Variants in RAD23A observed in about 807,000 individuals in gnomAD.
RAD23A encodes the protein RAD23 nucleotide excision repair protein A.
A neutral mutation model predicts 44.8 loss-of-function variants in RAD23A; 16 were observed. That is an observed-to-expected ratio of 0.36 (90% CI 0.24 to 0.54). The LOEUF (loss-of-function observed/expected upper bound fraction) is 0.54, where lower values mean the gene tolerates loss of function less well. RAD23A is among the 20% of genes least tolerant of loss of function. The pLI is 0.89. For missense variants in RAD23A, 380 were observed against 483.3 expected (o/e 0.79, Z 2.00); for synonymous variants, 217 against 202.9 (o/e 1.07, Z -0.59).
rs994275789 is a variant in RAD23A, at chr19:12,947,703, C to A, written c.73-145C>A. 32 of 727,072 alleles carry A rather than the reference C, an allele frequency of 4.4e-5. No homozygotes were observed. In the African/African-American group the frequency reaches 5.1e-4, roughly 12 times the overall value. The allele number at this position is 727,072 out of a possible 1,614,324, so 45.0% of individuals were successfully genotyped here. On this transcript the variant is annotated intron_variant, in intron 1 of 8. Coordinates refer to ENST00000586534, the MANE Select transcript of RAD23A (RefSeq NM_005053.4). ...GCATGATGATTGAATGAATTCAAATCTAGCATGCTTTAGATGCTGAGAAAG... is the reference window on the plus strand; with the variant it reads ...GCATGATGATTGAATGAATTCAAATATAGCATGCTTTAGATGCTGAGAAAG...
At chr19:12,946,459 C>T (rs1358278675) in intron 1 of RAD23A, among the ~76,000 whole-genome samples, 5 of 152,148 alleles carry the variant, frequency 3.3e-5, no homozygotes, top group East Asian at 1.9e-4. Flanking sequence ...TGATAATAAA[C>T]GGGTCTCAGT....
intron 1 of RAD23A, 33 bp downstream of exon 1, chr19:12,946,053 C>CG: frequency 2.5e-6 from 1 of 404,444 alleles, no homozygotes; most frequent in Non-Finnish European, 3.6e-6. Flanking sequence ...GGGGCGGGAG[C>CG]GACGGGTTTC....
At position 12,948,120 on chromosome 19, in the gene RAD23A, G is replaced by C. The variant is rs200786579; in HGVS notation, c.235-57G>C. ...GAACAGGGCGGGGCCACAGCGGAGC[G>C]GGTTGTTGGGTCTGATAGGGTTGCT... On this transcript the variant is annotated intron_variant, in intron 2 of 8. Transcript: ENST00000586534. The surrounding 1 kb of genome is among the most constrained non-coding windows in gnomAD (Gnocchi z 5.5). 6.8e-6 allele frequency: 11 copies of C among 1,610,174 alleles called. No individual in the cohort carries two copies. Among genetic ancestry groups the C allele is most frequent in the Admixed American group, 1.7e-5 (1 of 59,994 alleles).
rs2146035726 is a variant in RAD23A at position 12,949,012 on chromosome 19, C to T, written c.601-69C>T. ...GGCAGGGCCGAGGCCTCATCTGTGT[C>T]CTGCCAGGGCATGGAGGAGGGTGGC... On this transcript the variant is annotated intron_variant, in intron 5 of 8. Coordinates refer to ENST00000586534, the MANE Select transcript of RAD23A (RefSeq NM_005053.4). 1.9e-6 allele frequency: 3 copies of T among 1,565,532 alleles called. No individual in the cohort carries two copies. The East Asian group carries it at 7.0e-5, about 37-fold the overall frequency.
Position 12,948,760 on chromosome 19 carries a change from G to T in RAD23A, c.547G>T (p.Ala183Ser). The T allele has an allele frequency of 3.1e-6, 5 of 1,613,406 alleles. No homozygotes were observed. The highest frequency in any genetic ancestry group is 4.2e-6 in the Non-Finnish European group (5 of 1,179,918). The change falls in exon 5 of 9, where the codon GCC (alanine) becomes TCC (serine). Residue 183 changes from alanine (A) to serine (S), a missense_variant. This residue lies in a region of RAD23A where 279 missense variants were observed against 313.7 expected (regional missense o/e 0.89). Coordinates refer to ENST00000586534, the MANE Select transcript of RAD23A (RefSeq NM_005053.4). This position sits in a 1 kb window ranked among gnomAD's most constrained non-coding sequence, Gnocchi z 5.5. ...CTATGAGCGAGAGCGGGTCGTGGCC[G>T]CCCTGAGAGCCAGCTACAACAACCC... ...MGYERERVVA[A>S]LRASYNNPHR...
At chr19:12,946,227 C>G (rs1027980073) in intron 1 of RAD23A, among the ~76,000 whole-genome samples, 1 of 152,196 alleles carries the variant, frequency 6.6e-6, no homozygotes, top group Non-Finnish European at 1.5e-5. Flanking sequence ...GCGCCGGTCT[C>G]CGGGCGAGGC....
At position 12,953,304 on chromosome 19, in the gene RAD23A, C is replaced by A; in HGVS notation, c.*255C>A. The A allele has an allele frequency of 3.2e-6, 1 of 316,996 alleles. No individual in the cohort carries two copies. 19.6% of individuals were successfully genotyped at this position (316,996 alleles called of 1,614,324 possible). On this transcript the variant is annotated 3_prime_UTR_variant, in exon 9 of 9. Transcript: ENST00000586534. ...CAGAGAAGCTGGCAGGACTGGGAGG[C>A]GACAGATGGGCCCCTCTTGGCCTCT...
chr19:12,948,843 G>T lies in RAD23A; in HGVS notation c.600+30G>T, dbSNP rs753490506. The stretch of plus-strand genomic sequence containing the variant: ...GGTGGGGCTTCCGCCTCCCGGGGAG[G>T]CCTTGAGGGAGTACCCGGGCGTCAC... On this transcript the variant is annotated intron_variant, in intron 5 of 8. Coordinates refer to ENST00000586534, the MANE Select transcript of RAD23A (RefSeq NM_005053.4). The surrounding 1 kb of genome is among the most constrained non-coding windows in gnomAD (Gnocchi z 5.5). The T allele has an allele frequency of 6.3e-7, 1 of 1,576,658 alleles. No individual in the cohort carries two copies. The highest frequency in any genetic ancestry group is 8.6e-7 in the Non-Finnish European group (1 of 1,165,460).
chr19:12,949,101 G>C lies in RAD23A; in HGVS notation c.621G>C (p.Glu207Asp). 6.2e-7 allele frequency: 1 copy of C among 1,613,542 alleles called. No homozygotes were observed. The highest frequency in any genetic ancestry group is 8.5e-7 in the Non-Finnish European group (1 of 1,179,792). Residue 207 changes from glutamate (E) to aspartate (D), a missense_variant, in exon 6 of 9, where the codon GAG becomes GAC. Coordinates refer to ENST00000586534, the MANE Select transcript of RAD23A (RefSeq NM_005053.4). Reference protein sequence around the residue: ...YLLTGIPGSPEPEHGSVQESQ... With the variant: ...YLLTGIPGSPDPEHGSVQESQ... ...GACAGGGAATTCCTGGGAGCCCCGA[G>C]CCGGAACACGGTTCTGTCCAGGAGA... is the stretch of plus-strand genomic sequence containing the variant.
intron 1 of RAD23A, 54 bp downstream of exon 1, chr19:12,946,074 T>TGGGG: frequency 7.6e-6 from 1 of 131,764 alleles, no homozygotes; most frequent in Non-Finnish European, 1.4e-5. Flanking sequence ...GGGGGTGGGG[T>TGGGG]GGGGGCGGGG....
chr19:12,948,833 T>C lies in RAD23A; in HGVS notation c.600+20T>C. On this transcript the variant is annotated intron_variant, in intron 5 of 8. Transcript: ENST00000586534. This position sits in a 1 kb window ranked among gnomAD's most constrained non-coding sequence, Gnocchi z 5.5. ...CTCACGGTGAGGTGGGGCTTCCGCC[T>C]CCCGGGGAGGCCTTGAGGGAGTACC... is the stretch of plus-strand genomic sequence containing the variant. 1 of 1,584,280 alleles carries C rather than the reference T, an allele frequency of 6.3e-7. No individual in the cohort carries two copies. The highest frequency in any genetic ancestry group is 8.6e-7 in the Non-Finnish European group (1 of 1,168,988).
chr19:12,949,033 G>A (rs1485966646), intron 5 of RAD23A, 48 bp from the exon 6 acceptor site: 1 of 1,583,374 alleles, frequency 6.3e-7, no homozygotes. Context: ...ATGGAGGAGG[G>A]TGGCAGCAGG....
At position 12,948,132 on chromosome 19, in the gene RAD23A, C is replaced by T; in HGVS notation, c.235-45C>T. On this transcript the variant is annotated intron_variant, in intron 2 of 8. Coordinates refer to ENST00000586534, the MANE Select transcript of RAD23A (RefSeq NM_005053.4). This position sits in a 1 kb window ranked among gnomAD's most constrained non-coding sequence, Gnocchi z 5.5. Reference sequence around the variant, plus strand: ...GCCACAGCGGAGCGGGTTGTTGGGTCTGATAGGGTTGCTGATGCCAGCTCC... The same window carrying T: ...GCCACAGCGGAGCGGGTTGTTGGGTTTGATAGGGTTGCTGATGCCAGCTCC... 6.2e-7 allele frequency: 1 copy of T among 1,612,432 alleles called. No individual in the cohort carries two copies. The highest frequency in any genetic ancestry group is 8.5e-7 in the Non-Finnish European group (1 of 1,178,878).
At chr19:12,951,283 A>G (rs1015703829) in intron 7 of RAD23A, among the ~76,000 whole-genome samples, 2 of 151,926 alleles carry the variant, frequency 1.3e-5, no homozygotes, top group African/African-American at 4.8e-5. Flanking sequence ...GGCCAAGTTC[A>G]CCTTTCTAAA....
chr19:12,946,056 CGGGTTTCG>C (rs763584159), intron 1 of RAD23A, 36 bp downstream of exon 1: 41 of 110,952 alleles, frequency 3.7e-4, no homozygotes, highest in Non-Finnish European at 6.0e-4. Context: ...GCGGGAGCGA[CGGGTTTCG>C]GGGGTGGGGT....
rs1971848939 is a variant in RAD23A at position 12,952,737 on chromosome 19, C to G, written c.862C>G (p.Pro288Ala). 1.2e-6 allele frequency: 2 copies of G among 1,612,990 alleles called. No individual in the cohort carries two copies. Among genetic ancestry groups the G allele is most frequent in the African/African-American group, 2.7e-5 (2 of 74,862 alleles). ...GTTCATCCAGATGCTGAACGAGCCCCCTGGGGAGCTGGCGGACATCTCAGA... is the reference window on the plus strand; with the variant it reads ...GTTCATCCAGATGCTGAACGAGCCCGCTGGGGAGCTGGCGGACATCTCAGA... Reference protein sequence around the residue: ...EQFIQMLNEPPGELADISDVE... With the variant: ...EQFIQMLNEPAGELADISDVE... The change falls in exon 8 of 9, where the codon CCT becomes GCT. Residue 288 changes from proline to alanine, a missense_variant. Around this residue, in one of 3 missense-constraint regions of RAD23A, gnomAD observed 279 missense variants for 313.7 expected, o/e 0.89. Transcript: ENST00000586534.
chr19:12,950,897 C>T (rs1599669865), intron 7 of RAD23A, among the ~76,000 whole-genome samples: 1 of 152,112 alleles, frequency 6.6e-6, no homozygotes, highest in Non-Finnish European at 1.5e-5. Flanking sequence ...AAACTCGTCT[C>T]TACTATAAAT....
Position 12,948,656 on chromosome 19 carries a change from G to A in RAD23A, c.473-30G>A. On this transcript the variant is annotated intron_variant, in intron 4 of 8. Transcript: ENST00000586534. The surrounding 1 kb of genome is among the most constrained non-coding windows in gnomAD (Gnocchi z 5.5). ...TGGGAGCTGCCCTTTCCTCTTCCTGGTGACCTAGGCTTTGCTGCTTCCTCC... is the reference window on the plus strand; with the variant it reads ...TGGGAGCTGCCCTTTCCTCTTCCTGATGACCTAGGCTTTGCTGCTTCCTCC... 6.2e-7 allele frequency: 1 copy of A among 1,600,198 alleles called. No individual in the cohort carries two copies. The highest frequency in any genetic ancestry group is 1.1e-5 in the South Asian group (1 of 89,812).
At chr19:12,949,483 G>T in intron 7 of RAD23A, 75 bp downstream of exon 7, 1 of 1,562,516 alleles carries the variant, frequency 6.4e-7, no homozygotes, top group Non-Finnish European at 8.7e-7. Flanking sequence ...TCCATAACAC[G>T]TAGGAATCGT....
Sources: gnomAD v4.1 joint callset for allele counts (sites outside exome capture counted in the v4.1 genomes callset) on GRCh38, gnomAD v4.1.1 for gene constraint, gnomAD v4.1.1 regional missense constraint, Gnocchi (gnomAD v3.1) non-coding constraint, MANE v1.5 for transcripts, NCBI Gene and HGNC (gene_info 2026-07-23, HGNC 2026-07-21) for gene names.